HIP1R: variants seen among roughly 807,000 people sequenced by gnomAD.
HIP1R encodes huntingtin interacting protein 1 related.
In HIP1R, 135 loss-of-function variants were observed where a neutral mutation model predicts 144.2. That is an observed-to-expected ratio of 0.94 (90% CI 0.81 to 1.08). The LOEUF (loss-of-function observed/expected upper bound fraction) is 1.08, where lower values mean the gene tolerates loss of function less well. Among genes scored for constraint, HIP1R ranks in the 50% least tolerant of loss-of-function variants. The pLI is 0.00. For missense variants in HIP1R, 1,462 were observed against 1,432.8 expected, an observed-to-expected ratio of 1.02 and a Z score of -0.33; for synonymous variants, 698 against 612.8, an observed-to-expected ratio of 1.14 and a Z score of -2.05.
In HIP1R at chr12:122,861,112, C is replaced by T; in HGVS notation, c.2891-19C>T. 1 of 1,613,450 alleles carries T rather than the reference C, an allele frequency of 6.2e-7. No homozygotes were observed. Among genetic ancestry groups the T allele is most frequent in the Non-Finnish European group, 8.5e-7 (1 of 1,179,966 alleles). On this transcript the variant is annotated intron_variant, in intron 29 of 31. Coordinates refer to ENST00000253083, the MANE Select transcript of HIP1R (RefSeq NM_003959.3). ...GGGGTGGGTGCCCAGATGTTCACCC[C>T]CTTGTCCTCCGGCCACAGACACCAT...
chr12:122,860,254 AC>A, intron 26 of HIP1R, 44 bp downstream of exon 26: 1 of 1,533,862 alleles, frequency 6.5e-7, no homozygotes, highest in Non-Finnish European at 8.8e-7. Context: ...AAGGAGCCTG[AC>A]CCCCAGCCTA....
chr12:122,861,783 T>C lies in HIP1R; in HGVS notation c.*30T>C, dbSNP rs1469758283. The C allele has an allele frequency of 1.2e-6, 2 of 1,609,524 alleles. No homozygotes were observed. Among genetic ancestry groups the C allele is most frequent in the Non-Finnish European group, 1.7e-6 (2 of 1,176,476 alleles). On this transcript the variant is annotated 3_prime_UTR_variant, in exon 32 of 32. Coordinates refer to ENST00000253083, the MANE Select transcript of HIP1R (RefSeq NM_003959.3). ...CCCAGGGGTCCAGCAGGGTGGCTGG[T>C]GACAGGCCTGGGCCTCTGCAACTGC...
Position 122,859,663 on chromosome 12 carries a change from T to A in HIP1R, c.2407-109T>A, listed in dbSNP as rs181336654. 2.1e-5 allele frequency: 30 copies of A among 1,422,298 alleles called. No individual in the cohort carries two copies. The African/African-American group carries it at 3.8e-4, about 18-fold the overall frequency. The allele number at this position is 1,422,298 out of a possible 1,614,324, so 88.1% of individuals were successfully genotyped here. A position where few individuals can be genotyped will look rare whatever the true frequency, so the allele number is the denominator to read the frequency against. On this transcript the variant is annotated intron_variant, in intron 23 of 31. Transcript: ENST00000253083. ...CTCCAGACAGAGGACAGATGGCGTT[T>A]TCCAGGGGCCTGTGAGGTCAGAGCT...
rs1367473333 is a variant in HIP1R, at chr12:122,856,245, C to CT, written c.1313-10dup. On this transcript the variant is annotated splice_polypyrimidine_tract_variant and intron_variant, in intron 14 of 31. Coordinates refer to ENST00000253083, the MANE Select transcript of HIP1R (RefSeq NM_003959.3). ...CACACGGGGCATCACTGCCCCTCCT[C>CT]TCGCCCCCAGGGAAGGCCAGTGCCA... The CT allele has an allele frequency of 6.2e-7, 1 of 1,613,448 alleles. No individual in the cohort carries two copies. Among genetic ancestry groups the CT allele is most frequent in the African/African-American group, 1.3e-5 (1 of 74,880 alleles).
Position 122,854,187 on chromosome 12 carries a change from A to C in HIP1R, c.718+4A>C, listed in dbSNP as rs1333534089. The C allele has an allele frequency of 8.1e-6, 13 of 1,613,132 alleles. No homozygotes were observed. Among genetic ancestry groups the C allele is most frequent in the Non-Finnish European group, 1.1e-5 (13 of 1,179,650 alleles). On this transcript the variant is annotated splice_donor_region_variant and intron_variant, in intron 8 of 31. Coordinates refer to ENST00000253083, the MANE Select transcript of HIP1R (RefSeq NM_003959.3). ...CTCCTGTTCAAGCTACACTCTTGTGAGTGGCCCAGGGCAACCCCTGGCCCG... is the reference window on the plus strand; with the variant it reads ...CTCCTGTTCAAGCTACACTCTTGTGCGTGGCCCAGGGCAACCCCTGGCCCG...
At chr12:122,855,025 G>A (rs1167841842) in intron 9 of HIP1R, 28 bp from the exon 10 acceptor site, 1 of 1,613,788 alleles carries the variant, frequency 6.2e-7, no homozygotes, top group Non-Finnish European at 8.5e-7. Flanking sequence ...GCCCCTTCCT[G>A]AACCCGAACT....
rs774989362 is a variant in HIP1R, at chr12:122,854,065, C to T, written c.600C>T (p.Ala200=). ...SESVFRQLNT[A]IAVSQMSSGQ... ...CAGTTTTCCGACAGCTCAACACGGC[C>T]ATCGCCGTATCCCAGATGTCCTCAG... Residue 200 remains alanine, a synonymous_variant, in exon 8 of 32, where the codon GCC becomes GCT. Coordinates refer to ENST00000253083, the MANE Select transcript of HIP1R (RefSeq NM_003959.3). The T allele has an allele frequency of 5.0e-6, 8 of 1,613,780 alleles. No homozygotes were observed. The highest frequency in any genetic ancestry group is 4.4e-5 in the South Asian group (4 of 91,062).
Position 122,841,000 on chromosome 12 carries a change from A to G in HIP1R, c.93+5357A>G, listed in dbSNP as rs978856118. On this transcript the variant is annotated intron_variant, in intron 1 of 31. Transcript: ENST00000253083. The surrounding 1 kb of genome is among the most constrained non-coding windows in gnomAD (Gnocchi z 4.2). ...ATTCGCGAATGAAACCCAGCTGGCCACTGGATCCCAGCAGCTTAAAGTGGA... is the reference window on the plus strand; with the variant it reads ...ATTCGCGAATGAAACCCAGCTGGCCGCTGGATCCCAGCAGCTTAAAGTGGA... Among the ~76,000 whole-genome samples the G allele has an allele frequency of 6.6e-6, 1 of 152,164 alleles. No individual in the cohort carries two copies. Among genetic ancestry groups the G allele is most frequent in the Non-Finnish European group, 1.5e-5 (1 of 68,022 alleles).
chr12:122,859,940 C>T (rs562941606), intron 24 of HIP1R, 107 bp from the exon 25 acceptor site: 2 of 1,457,872 alleles, frequency 1.4e-6, no homozygotes, highest in African/African-American at 1.4e-5. Context: ...TGGCTCAGAG[C>T]AGACACTCCC....
intron 8 of HIP1R, 113 bp downstream of exon 8, chr12:122,854,296 G>A: frequency 1.9e-6 from 1 of 529,826 alleles, no homozygotes; most frequent in Non-Finnish European, 2.9e-6. Context: ...AAAAATGGCA[G>A]TAATAAACCC....
In HIP1R at chr12:122,850,906, C is replaced by T; in HGVS notation, c.510C>T (p.Asn170=). ...VLEKAAGTDV[N]NIFQLTVEMF... The stretch of plus-strand genomic sequence containing the variant: ...AGAAGGCAGCTGGGACCGATGTCAA[C>T]AACATGTGAGTCACTCTGCATGGCT... Residue 170 remains asparagine (N), a synonymous_variant, in exon 6 of 32, where the codon AAC becomes AAT. Transcript: ENST00000253083. 6.2e-7 allele frequency: 1 copy of T among 1,610,288 alleles called. No individual in the cohort carries two copies. The highest frequency in any genetic ancestry group is 1.7e-4 in the Middle Eastern group (1 of 6,036).
Position 122,859,051 on chromosome 12 carries a change from C to G in HIP1R, c.2159-10C>G, listed in dbSNP as rs753147446. On this transcript the variant is annotated splice_polypyrimidine_tract_variant and intron_variant, in intron 21 of 31. Transcript: ENST00000253083. ...GGGGGGGCTCCACTCACGGTCCTTTCTCACCCCAGGCCTCATAGACACCTG... is the reference window on the plus strand; with the variant it reads ...GGGGGGGCTCCACTCACGGTCCTTTGTCACCCCAGGCCTCATAGACACCTG... 2.5e-6 allele frequency: 4 copies of G among 1,605,568 alleles called. No individual in the cohort carries two copies. In the African/African-American group the frequency reaches 5.4e-5, roughly 22 times the overall value.
intron 1 of HIP1R, among the ~76,000 whole-genome samples, chr12:122,847,807 C>T (rs2292131): frequency 0.042 from 6,380 of 152,270 alleles, 264 homozygotes; most frequent in East Asian, 0.23. Context: ...TCCTTGTCCC[C>T]TGACTCCTGG....
At position 122,860,524 on chromosome 12, in the gene HIP1R, G is replaced by A; in HGVS notation, c.2660+1G>A. ...TGGGCTGGGGAGCCACACAGCTGGTGTAGGTTGCCCTGGGTGGGGGGGGGC... is the reference window on the plus strand; with the variant it reads ...TGGGCTGGGGAGCCACACAGCTGGTATAGGTTGCCCTGGGTGGGGGGGGGC... On this transcript the variant is annotated splice_donor_variant, in intron 27 of 31. Transcript: ENST00000253083. LOFTEE classifies it high-confidence loss of function. The A allele has an allele frequency of 1.3e-6, 2 of 1,583,822 alleles. No homozygotes were observed. The highest frequency in any genetic ancestry group is 1.7e-5 in the Admixed American group (1 of 59,978).
At position 122,856,494 on chromosome 12, in the gene HIP1R, G is replaced by A. The variant is rs777216214; in HGVS notation, c.1464G>A (p.Val488=). 1.3e-6 allele frequency: 2 copies of A among 1,593,438 alleles called. No individual in the cohort carries two copies. Among genetic ancestry groups the A allele is most frequent in the South Asian group, 1.1e-5 (1 of 88,546 alleles). Residue 488 remains valine, a synonymous_variant, in exon 16 of 32, where the codon GTG becomes GTA. Transcript: ENST00000253083. ...TQQSQEEVAR[V]KEQLAFQVEQ... is the part of the protein sequence containing the mutation. ...AAAGCCAGGAGGAGGTGGCGCGGGT[G>A]AAGGAGCAGCTGGCCTTCCAGGTGG...
intron 6 of HIP1R, 91 bp from the exon 7 acceptor site, chr12:122,851,145 G>A (rs1199304086): frequency 6.0e-6 from 7 of 1,167,488 alleles, no homozygotes; most frequent in African/African-American, 3.2e-5. Flanking sequence ...GGTGTCGGCG[G>A]TGCCCCCGTC....
In HIP1R at chr12:122,860,487, C is replaced by T. The variant is rs1488933400; in HGVS notation, c.2624C>T (p.Ala875Val). The T allele has an allele frequency of 2.5e-6, 4 of 1,613,166 alleles. No individual in the cohort carries two copies. The South Asian group carries it at 3.3e-5, about 13-fold the overall frequency. The change falls in exon 27 of 32, where the codon GCC becomes GTC. Residue 875 changes from alanine (A) to valine (V), a missense_variant. By Grantham distance (64) the Ala-to-Val change is moderately conservative. This residue lies in a region of HIP1R where 1,112 missense variants were observed against 1,011.7 expected (regional missense o/e 1.10). Coordinates refer to ENST00000253083, the MANE Select transcript of HIP1R (RefSeq NM_003959.3). The part of the protein sequence containing the change: ...NSRWTEGLIS[A>V]SKAVGWGATQ... ...CGCTGGACCGAAGGCCTCATCTCGGCCTCCAAGGCTGTGGGCTGGGGAGCC... is the reference window on the plus strand; with the variant it reads ...CGCTGGACCGAAGGCCTCATCTCGGTCTCCAAGGCTGTGGGCTGGGGAGCC...
Position 122,856,500 on chromosome 12 carries a change from G to A in HIP1R, c.1470G>A (p.Glu490=), listed in dbSNP as rs957809096. Residue 490 remains glutamate (E), a synonymous_variant, in exon 16 of 32, where the codon GAG becomes GAA. Coordinates refer to ENST00000253083, the MANE Select transcript of HIP1R (RefSeq NM_003959.3). ...QSQEEVARVK[E]QLAFQVEQVK... ...AGGAGGAGGTGGCGCGGGTGAAGGA[G>A]CAGCTGGCCTTCCAGGTGGAGCAGG... 4 of 1,595,016 alleles carry A rather than the reference G, an allele frequency of 2.5e-6. No homozygotes were observed. Among genetic ancestry groups the A allele is most frequent in the Admixed American group, 3.5e-5 (2 of 56,612 alleles).
At chr12:122,838,709 C>CT (rs1019368853) in intron 1 of HIP1R, among the ~76,000 whole-genome samples, 7 of 152,152 alleles carry the variant, frequency 4.6e-5, no homozygotes, top group African/African-American at 1.7e-4. Flanking sequence ...TGAGATGGTC[C>CT]TTGAGATGGG....
Sources: gnomAD v4.1 joint callset for allele counts (sites outside exome capture counted in the v4.1 genomes callset) on GRCh38, gnomAD v4.1.1 for gene constraint, gnomAD v4.1.1 regional missense constraint, Gnocchi (gnomAD v3.1) non-coding constraint, MANE v1.5 for transcripts, NCBI Gene and HGNC (gene_info 2026-07-23, HGNC 2026-07-21) for gene names.